Variants in ST8SIA5 observed in about 807,000 individuals in gnomAD.
ST8SIA5 encodes the protein ST8 alpha-N-acetyl-neuraminide alpha-2,8-sialyltransferase 5, also known as alpha-2,8-sialyltransferase 8E.
Under a neutral mutation model 40.2 loss-of-function variants are expected in ST8SIA5, and 24 were observed. That is an observed-to-expected ratio of 0.60 (90% confidence interval 0.43 to 0.84). The LOEUF is 0.84. ST8SIA5 is among the 40% of genes least tolerant of loss of function. The pLI, the probability that ST8SIA5 is intolerant of heterozygous loss-of-function variation, is 0.00. For missense variants in ST8SIA5, 465 were observed against 498.5 expected (o/e 0.93, Z 0.64); for synonymous variants, 198 against 201.8 (o/e 0.98, Z 0.16).
Position 46,680,358 on chromosome 18 carries a change from T to G in ST8SIA5, c.815A>C (p.Gln272Pro). 5 of 1,614,170 alleles carry G rather than the reference T, an allele frequency of 3.1e-6. No individual in the cohort carries two copies. The highest frequency in any genetic ancestry group is 4.2e-6 in the Non-Finnish European group (5 of 1,180,022). The part of the protein sequence containing the change: ...KYVLDDFESP[Q>P]AVYYFHPQYL... ...CTGCGGATGGAAGTAGTAGACAGCT[T>G]GCGGCGATTCGAAGTCGTCCAGCAC... The change falls in exon 7 of 7, where the codon CAA becomes CCA. Residue 272 changes from glutamine (Q) to proline (P), a missense_variant. Transcript: ENST00000315087.
chr18:46,680,505 T>C lies in ST8SIA5; in HGVS notation c.668A>G (p.His223Arg), dbSNP rs1371402139. Residue 223 changes from histidine to arginine, a missense_variant, in exon 7 of 7, where the codon CAC (histidine) becomes CGC (arginine). By Grantham distance (29) the His-to-Arg change is conservative. Transcript: ENST00000315087. ...CGGCCGCCGCCACTTCTCCAGCTTG[T>C]GGAACCTACACAGGGCGCGAGTGAG... is the stretch of plus-strand genomic sequence containing the variant. ...VNPSIITERFHKLEKWRRPFY... is the reference protein window; with the variant it reads ...VNPSIITERFRKLEKWRRPFY... The C allele has an allele frequency of 1.9e-6, 3 of 1,588,970 alleles. No homozygotes were observed. Among genetic ancestry groups the C allele is most frequent in the Non-Finnish European group, 2.6e-6 (3 of 1,165,134 alleles).
intron 2 of ST8SIA5, among the ~76,000 whole-genome samples, chr18:46,703,279 G>A (rs2039636209): frequency 6.6e-6 from 1 of 152,176 alleles, no homozygotes; most frequent in Non-Finnish European, 1.5e-5. Context: ...CAGAGTAGCT[G>A]GGACTACAGG....
At chr18:46,736,988 C>T (rs1247489632) in intron 1 of ST8SIA5, among the ~76,000 whole-genome samples, 1 of 152,176 alleles carries the variant, frequency 6.6e-6, no homozygotes, top group Non-Finnish European at 1.5e-5. Context: ...TCCTGAGGGA[C>T]CAGTCCCTTG....
chr18:46,711,540 C>T (rs1599123509), intron 1 of ST8SIA5, among the ~76,000 whole-genome samples: 2 of 152,170 alleles, frequency 1.3e-5, no homozygotes, highest in Admixed American at 6.5e-5. Flanking sequence ...TCTCAGTCAG[C>T]AGCCCTTCCC....
At chr18:46,748,195 A>G (rs2040159427) in intron 1 of ST8SIA5, among the ~76,000 whole-genome samples, 1 of 152,138 alleles carries the variant, frequency 6.6e-6, no homozygotes, top group Admixed American at 6.5e-5. Context: ...CGTTGTGCAC[A>G]TGTACCCTAG....
chr18:46,683,064 G>A (rs550563738), intron 5 of ST8SIA5, among the ~76,000 whole-genome samples: 6 of 152,066 alleles, frequency 3.9e-5, no homozygotes, highest in Admixed American at 6.5e-5. Context: ...AAACGAATAC[G>A]GCCCTAAACA....
intron 1 of ST8SIA5, among the ~76,000 whole-genome samples, chr18:46,732,452 C>T (rs1191756620): frequency 6.6e-6 from 1 of 152,172 alleles, no homozygotes; most frequent in Non-Finnish European, 1.5e-5. Context: ...GGGTCAGTGA[C>T]CTCAGCCTTC....
intron 1 of ST8SIA5, among the ~76,000 whole-genome samples, chr18:46,733,651 C>A (rs1234205510): frequency 6.6e-6 from 1 of 152,090 alleles, no homozygotes; most frequent in Non-Finnish European, 1.5e-5. Flanking sequence ...GAATGTTATT[C>A]CACACAGGGC....
intron 1 of ST8SIA5, among the ~76,000 whole-genome samples, chr18:46,747,677 T>A (rs1291398210): frequency 6.6e-6 from 1 of 152,124 alleles, no homozygotes; most frequent in Non-Finnish European, 1.5e-5. Context: ...TCCTCAAGGA[T>A]CCAGAACTAG....
chr18:46,733,774 G>A (rs574434105), intron 1 of ST8SIA5, among the ~76,000 whole-genome samples: 116 of 152,322 alleles, frequency 7.6e-4, no homozygotes, highest in African/African-American at 2.7e-3. Context: ...AGAGGCAGAG[G>A]TGAGGGGAGG....
At chr18:46,687,636 C>T (rs1167155529) in intron 4 of ST8SIA5, among the ~76,000 whole-genome samples, 1 of 152,180 alleles carries the variant, frequency 6.6e-6, no homozygotes. Context: ...TTTGACGCCG[C>T]TCACCTGCAG....
At chr18:46,748,391 C>G (rs1299782167) in intron 1 of ST8SIA5, among the ~76,000 whole-genome samples, 1 of 151,606 alleles carries the variant, frequency 6.6e-6, no homozygotes, top group Non-Finnish European at 1.5e-5. Flanking sequence ...TGGTGAAACC[C>G]TGTCTCTAAT....
chr18:46,715,500 T>C (rs2039778866), intron 1 of ST8SIA5, among the ~76,000 whole-genome samples: 1 of 151,376 alleles, frequency 6.6e-6, no homozygotes. Context: ...CTAAAGATCA[T>C]CTTGTCTGAG....
chr18:46,701,535 G>A (rs1214023125), intron 2 of ST8SIA5, among the ~76,000 whole-genome samples: 1 of 152,124 alleles, frequency 6.6e-6, no homozygotes, highest in Non-Finnish European at 1.5e-5. Flanking sequence ...TTAGAGCACA[G>A]GCAAGACTCA....
intron 1 of ST8SIA5, among the ~76,000 whole-genome samples, chr18:46,710,109 G>A (rs568669775): frequency 1.3e-4 from 20 of 152,278 alleles, no homozygotes; most frequent in Non-Finnish European, 1.9e-4. Context: ...TAGTCCCAGC[G>A]GGTGATATCA....
intron 1 of ST8SIA5, among the ~76,000 whole-genome samples, chr18:46,748,488 C>G (rs377114783): frequency 2.9e-5 from 4 of 138,616 alleles, no homozygotes; most frequent in East Asian, 4.5e-4. Context: ...CACTTGAAAC[C>G]GGGAGGCAGA....
At chr18:46,734,498 A>T (rs1371483951) in intron 1 of ST8SIA5, among the ~76,000 whole-genome samples, 1 of 152,086 alleles carries the variant, frequency 6.6e-6, no homozygotes, top group Non-Finnish European at 1.5e-5. Context: ...GCTCCACTCA[A>T]AGCCTAAATC....
chr18:46,727,980 A>T (rs1277028011), intron 1 of ST8SIA5, among the ~76,000 whole-genome samples: 1 of 152,172 alleles, frequency 6.6e-6, no homozygotes, highest in African/African-American at 2.4e-5. Flanking sequence ...GAGGATCACA[A>T]GGTCAAGGGA....
At position 46,732,061 on chromosome 18, in the gene ST8SIA5, G is replaced by C. The variant is rs565022589; in HGVS notation, c.131+24317C>G. 3.7e-4 allele frequency among the ~76,000 whole-genome samples: 56 copies of C among 152,294 alleles called. 2 individuals are homozygous for C. The highest frequency in any genetic ancestry group is 1.1e-3 in the Admixed American group (17 of 15,302). ...TGCCACTTTGCTCATTTGTCCAAGAGGGGCAGGAAGTCCAGGCTTTTATTT... is the reference window on the plus strand; with the variant it reads ...TGCCACTTTGCTCATTTGTCCAAGACGGGCAGGAAGTCCAGGCTTTTATTT... On this transcript the variant is annotated intron_variant, in intron 1 of 6. Coordinates refer to ENST00000315087, the MANE Select transcript of ST8SIA5 (RefSeq NM_013305.6).
Sources: allele counts gnomAD v4.1 joint callset (sites outside exome capture counted in the v4.1 genomes callset), GRCh38; gene constraint gnomAD v4.1.1; transcripts MANE v1.5; gene names NCBI Gene and HGNC (gene_info 2026-07-23, HGNC 2026-07-21).